Variants in CDH4 observed in about 807,000 individuals in gnomAD.
The protein encoded by CDH4 is cadherin 4.
A neutral mutation model predicts 86.0 loss-of-function variants in CDH4; 33 were observed. The observed-to-expected ratio is 0.38, with a 90% confidence interval of 0.29 to 0.51. The LOEUF is 0.51. CDH4 is among the 20% of genes least tolerant of loss of function. The probability of loss-of-function intolerance (pLI) is 0.86; values close to 1 mark genes in which losing one functional copy is unlikely to be tolerated. For synonymous variants in CDH4, 555 were observed against 549.4 expected, an observed-to-expected ratio of 1.01 and a Z score of -0.14; for missense variants, 1,114 against 1,307.4, an observed-to-expected ratio of 0.85 and a Z score of 2.28.
intron 2 of CDH4, among the ~76,000 whole-genome samples, chr20:61,500,797 C>T (rs530641737): frequency 2.1e-4 from 32 of 152,326 alleles, no homozygotes; most frequent in African/African-American, 6.0e-4. Context: ...AAGTACTTGA[C>T]GTATAGCCTC....
chr20:61,724,132 G>GC (rs1156288200), intron 2 of CDH4, among the ~76,000 whole-genome samples: 1 of 142,492 alleles, frequency 7.0e-6, no homozygotes, highest in Non-Finnish European at 1.6e-5. Flanking sequence ...ATGTGGCAGG[G>GC]GGGTGGGTCC....
intron 2 of CDH4, among the ~76,000 whole-genome samples, chr20:61,620,966 A>T (rs1458346940): frequency 6.6e-6 from 1 of 152,260 alleles, no homozygotes; most frequent in East Asian, 1.9e-4. Context: ...TCTCTGGTTC[A>T]TCCCAAGTCA....
intron 2 of CDH4, among the ~76,000 whole-genome samples, chr20:61,531,319 A>G (rs2085949918): frequency 6.6e-6 from 1 of 151,924 alleles, no homozygotes; most frequent in Non-Finnish European, 1.5e-5. Flanking sequence ...TAAAAATACA[A>G]AAATTAGCCG....
chr20:61,575,214 C>T (rs1189093297), intron 2 of CDH4, among the ~76,000 whole-genome samples: 2 of 152,180 alleles, frequency 1.3e-5, no homozygotes, highest in East Asian at 3.8e-4. Context: ...ATTTCCACTA[C>T]CTCTAGGTTG....
chr20:61,714,539 T>C (rs963395046), intron 2 of CDH4, among the ~76,000 whole-genome samples: 7 of 152,150 alleles, frequency 4.6e-5, no homozygotes, highest in Non-Finnish European at 1.0e-4. Flanking sequence ...AATAGGTAGT[T>C]TTTAATCTCT....
At chr20:61,734,924 C>T (rs944212749) in intron 2 of CDH4, among the ~76,000 whole-genome samples, 2 of 152,188 alleles carry the variant, frequency 1.3e-5, no homozygotes, top group South Asian at 2.1e-4. Context: ...CAGACGATAG[C>T]CCCCGCTCCC....
chr20:61,401,392 A>AC, intron 2 of CDH4, among the ~76,000 whole-genome samples: 1 of 151,982 alleles, frequency 6.6e-6, no homozygotes, highest in East Asian at 1.9e-4. Flanking sequence ...TTTTTTTGTC[A>AC]GACAAAAAGA....
intron 2 of CDH4, among the ~76,000 whole-genome samples, chr20:61,631,627 A>G (rs1327155920): frequency 1.3e-5 from 2 of 152,166 alleles, no homozygotes; most frequent in Admixed American, 6.5e-5. Context: ...ATGGGCAACA[A>G]AGCAAAACTC....
intron 2 of CDH4, among the ~76,000 whole-genome samples, chr20:61,321,392 T>C (rs2084507530): frequency 6.6e-6 from 1 of 152,256 alleles, no homozygotes; most frequent in Non-Finnish European, 1.5e-5. Context: ...TTTGCTTTTT[T>C]GCTGGAAATT....
intron 2 of CDH4, among the ~76,000 whole-genome samples, chr20:61,712,001 C>T (rs2087898706): frequency 6.6e-6 from 1 of 152,160 alleles, no homozygotes; most frequent in Admixed American, 6.5e-5. Context: ...CCACTCTGTG[C>T]AGGAGGGGTC....
chr20:61,831,043 C>T (rs1304837032), intron 4 of CDH4, among the ~76,000 whole-genome samples: 1 of 152,114 alleles, frequency 6.6e-6, no homozygotes, highest in African/African-American at 2.4e-5. Context: ...GGGTCTCGCC[C>T]CTCCTGGAGG....
At chr20:61,581,520 C>G (rs970569184) in intron 2 of CDH4, among the ~76,000 whole-genome samples, 1 of 152,162 alleles carries the variant, frequency 6.6e-6, no homozygotes, top group Non-Finnish European at 1.5e-5. Flanking sequence ...TCCAACATCA[C>G]CCCTCCTCCT....
chr20:61,790,252 A>C (rs1235328173), intron 4 of CDH4, among the ~76,000 whole-genome samples: 1 of 151,276 alleles, frequency 6.6e-6, no homozygotes, highest in Non-Finnish European at 1.5e-5. Context: ...CTCTCCATTC[A>C]TCCATTCATC....
chr20:61,555,084 A>G (rs2086166893), intron 2 of CDH4, among the ~76,000 whole-genome samples: 2 of 152,032 alleles, frequency 1.3e-5, no homozygotes, highest in South Asian at 2.1e-4. Flanking sequence ...TGCCCATGGG[A>G]GTGCTCTTCC....
At chr20:61,460,624 G>C (rs553963759) in intron 2 of CDH4, among the ~76,000 whole-genome samples, 1 of 152,212 alleles carries the variant, frequency 6.6e-6, no homozygotes, top group Non-Finnish European at 1.5e-5. Context: ...GCACGGAGGC[G>C]TCCCTAAGTG....
At chr20:61,438,914 T>TA (rs565025226) in intron 2 of CDH4, among the ~76,000 whole-genome samples, 26,430 of 140,726 alleles carry the variant, frequency 0.19, 2,408 homozygotes, top group African/African-American at 0.22. Context: ...AAAAATTAGC[T>TA]AAAAAAAAAA....
intron 2 of CDH4, among the ~76,000 whole-genome samples, chr20:61,477,557 AAGGTCCACAT>A (rs1196881361): frequency 6.6e-6 from 1 of 152,150 alleles, no homozygotes; most frequent in Non-Finnish European, 1.5e-5. Context: ...AGCGTGGAAG[AAGGTCCACAT>A]AGGTCCACAT....
At chr20:61,339,212 G>A (rs535426911) in intron 2 of CDH4, among the ~76,000 whole-genome samples, 1 of 152,284 alleles carries the variant, frequency 6.6e-6, no homozygotes, top group South Asian at 2.1e-4. Context: ...TGGAATGAAA[G>A]CATGAACATG....
chr20:61,922,847 C>G (rs1343192121), intron 9 of CDH4, among the ~76,000 whole-genome samples: 1 of 152,246 alleles, frequency 6.6e-6, no homozygotes, highest in East Asian at 1.9e-4. Context: ...CCTCAAACTC[C>G]TGGGCTCAAG....
Sources: allele counts gnomAD v4.1 joint callset (sites outside exome capture counted in the v4.1 genomes callset), GRCh38; gene constraint gnomAD v4.1.1; transcripts MANE v1.5; gene names NCBI Gene and HGNC (gene_info 2026-07-23, HGNC 2026-07-21).